Variants in MYO18B observed in about 807,000 individuals in gnomAD.
MYO18B encodes the protein unconventional myosin-XVIIIb.
MYO18B carries 204 observed loss-of-function variants against 273.0 expected under a neutral mutation model. The ratio of observed to expected loss-of-function variants is 0.75; its 90% CI spans 0.67 to 0.84. MYO18B has a LOEUF of 0.84. Among genes scored for constraint, MYO18B ranks in the 40% least tolerant of loss-of-function variants. MYO18B has a pLI of 0.00. For synonymous variants in MYO18B, 1,330 were observed against 1,305.7 expected (o/e 1.02, Z -0.40); for missense variants, 3,212 against 3,287.6 (o/e 0.98, Z 0.56).
chr22:25,967,631 G>A (rs892430962), intron 39 of MYO18B, among the ~76,000 whole-genome samples: 1 of 152,134 alleles, frequency 6.6e-6, no homozygotes, highest in African/African-American at 2.4e-5. Flanking sequence ...TGTATTTAGT[G>A]GGGAAAGATG....
intron 42 of MYO18B, among the ~76,000 whole-genome samples, chr22:26,022,842 C>T (rs1305487644): frequency 6.6e-6 from 1 of 152,200 alleles, no homozygotes. Flanking sequence ...TCCTCAAGGG[C>T]CCCAGGGAAG....
At chr22:25,934,343 C>T (rs902706717) in intron 34 of MYO18B, among the ~76,000 whole-genome samples, 6 of 151,886 alleles carry the variant, frequency 4.0e-5, no homozygotes, top group African/African-American at 1.5e-4. Flanking sequence ...TCTTAGAATC[C>T]AAATTTTAAA....
At position 25,797,972 on chromosome 22, in the gene MYO18B, C is replaced by T. The variant is rs200926549; in HGVS notation, c.2396C>T (p.Ala799Val). 192 of 1,614,018 alleles carry T rather than the reference C, an allele frequency of 1.2e-4. No individual in the cohort carries two copies. The highest frequency in any genetic ancestry group is 1.4e-4 in the Non-Finnish European group (167 of 1,179,900). ...CCGCAGCCTGAAGATAAACAGAAGG[C>T]GGCAGCTGCCTTTGCCCAGCTCCAG... is the stretch of plus-strand genomic sequence containing the variant. ...VWSKPEDKQKAAAAFAQLQGA... is the reference protein window; with the variant it reads ...VWSKPEDKQKVAAAFAQLQGA... The change falls in exon 12 of 44, where the codon GCG becomes GTG. Residue 799 changes from alanine to valine, a missense_variant. Ala to Val is a moderately conservative substitution (Grantham distance 64). Transcript: ENST00000335473.
At chr22:25,841,873 C>T (rs1048894163) in intron 17 of MYO18B, among the ~76,000 whole-genome samples, 6 of 152,216 alleles carry the variant, frequency 3.9e-5, no homozygotes, top group South Asian at 2.1e-4. Context: ...AAATGCAGCA[C>T]GGACATTTGC....
At chr22:25,781,998 G>C (rs1193665561) in intron 10 of MYO18B, among the ~76,000 whole-genome samples, 164 bp downstream of exon 10, 2 of 152,236 alleles carry the variant, frequency 1.3e-5, no homozygotes, top group Non-Finnish European at 2.9e-5. Flanking sequence ...GCAGCTCATG[G>C]GCTGGGTGAC....
At chr22:25,815,296 A>G (rs1055483887) in intron 12 of MYO18B, among the ~76,000 whole-genome samples, 1 of 152,182 alleles carries the variant, frequency 6.6e-6, no homozygotes, top group African/African-American at 2.4e-5. Flanking sequence ...TTGCTAGCTG[A>G]GTGATCTCAG....
chr22:25,852,029 G>A (rs6004799), intron 21 of MYO18B, among the ~76,000 whole-genome samples: 23 of 152,270 alleles, frequency 1.5e-4, no homozygotes, highest in African/African-American at 5.1e-4. Context: ...AGGGACCCTA[G>A]CAAGGTGAAA....
At position 26,014,053 on chromosome 22, in the gene MYO18B, A is replaced by G. The variant is rs112731977; in HGVS notation, c.6470+9198A>G. Among the ~76,000 whole-genome samples, 1,522 of 152,218 alleles carry G rather than the reference A, an allele frequency of 1.0e-2. 19 individuals are homozygous for G. Among genetic ancestry groups the G allele is most frequent in the African/African-American group, 0.034 (1,432 of 41,520 alleles). ...CCTTTATGGTTGGTGCTCTTTATAT[A>G]CTGTTGAAAAATTATTTGCCTACTT... On this transcript the variant is annotated intron_variant, in intron 42 of 43. Coordinates refer to ENST00000335473, the MANE Select transcript of MYO18B (RefSeq NM_032608.7).
At chr22:25,855,056 A>G (rs1045800686) in intron 21 of MYO18B, among the ~76,000 whole-genome samples, 3 of 152,018 alleles carry the variant, frequency 2.0e-5, no homozygotes, top group African/African-American at 7.3e-5. Flanking sequence ...TAAGCCTAGT[A>G]CCCATTAGCC....
chr22:25,847,948 T>TAC (rs59375568), intron 20 of MYO18B, among the ~76,000 whole-genome samples: 4,833 of 146,228 alleles, frequency 0.033, 171 homozygotes, highest in African/African-American at 0.087. Flanking sequence ...CACACACACA[T>TAC]ACACACACAC....
intron 12 of MYO18B, among the ~76,000 whole-genome samples, chr22:25,803,970 A>ACACG (rs1240359741): frequency 7.4e-6 from 1 of 136,008 alleles, no homozygotes; most frequent in Non-Finnish European, 1.5e-5. Flanking sequence ...CCCAGTGAAC[A>ACACG]CACACACACA....
At position 25,895,187 on chromosome 22, in the gene MYO18B, T is replaced by C; in HGVS notation, c.4575T>C (p.Ala1525=). The change falls in exon 28 of 44, where the codon GCT becomes GCC. Residue 1525 remains alanine (A), a synonymous_variant. Transcript: ENST00000335473. ...AGTGGCAGATGCGCTTCGACTGTGCTCAGATGGAGAACGAGTTCCTCAGAA... is the reference window on the plus strand; with the variant it reads ...AGTGGCAGATGCGCTTCGACTGTGCCCAGATGGAGAACGAGTTCCTCAGAA... ...ADEWQMRFDC[A]QMENEFLRKR... is the part of the protein sequence containing the mutation. The C allele has an allele frequency of 6.2e-7, 1 of 1,612,332 alleles. No homozygotes were observed.
At chr22:25,996,393 TCTC>T (rs1933248897) in intron 40 of MYO18B, among the ~76,000 whole-genome samples, 1 of 152,192 alleles carries the variant, frequency 6.6e-6, no homozygotes, top group African/African-American at 2.4e-5. Flanking sequence ...TTATCGTTAT[TCTC>T]CCTCTTACAG....
At position 25,763,518 on chromosome 22, in the gene MYO18B, T is replaced by G. The variant is rs2086403233; in HGVS notation, c.198+129T>G. ...TCCTGGTTTTGAGGAATGTCCTTTATTCAACTTGATCTATTGAGCTCTTAT... is the reference window on the plus strand; with the variant it reads ...TCCTGGTTTTGAGGAATGTCCTTTAGTCAACTTGATCTATTGAGCTCTTAT... On this transcript the variant is annotated intron_variant, in intron 3 of 43. Transcript: ENST00000335473. 3.6e-6 allele frequency: 4 copies of G among 1,117,772 alleles called. No individual in the cohort carries two copies. In the South Asian group the frequency reaches 6.2e-5, roughly 17 times the overall value. The allele number at this position is 1,117,772 out of a possible 1,614,324, so 69.2% of individuals were successfully genotyped here. A position where few individuals can be genotyped will look rare whatever the true frequency, so the allele number is the denominator to read the frequency against.
At chr22:26,036,059 T>C in the MYO18B span, among the ~76,000 whole-genome samples, 1 of 152,160 alleles carries the variant, frequency 6.6e-6, no homozygotes, top group South Asian at 2.1e-4. Flanking sequence ...CCAAAGATTG[T>C]ACATAGGAAG....
intron 30 of MYO18B, chr22:25,903,122 A>G (rs2091971375): frequency 4.6e-6 from 1 of 217,730 alleles, no homozygotes; most frequent in African/African-American, 2.3e-5. Flanking sequence ...GCTGCTCCTC[A>G]TCCTTTTGTG....
Position 25,955,174 on chromosome 22 carries a change from C to T in MYO18B, c.5971-5C>T, listed in dbSNP as rs773052312. ...AAGGTGGGCATGTGTCTCTGCCCCT[C>T]CCAGGTCCTGGTGATCCGGCTTCGG... On this transcript the variant is annotated splice_region_variant and splice_polypyrimidine_tract_variant and intron_variant, in intron 38 of 43. Coordinates refer to ENST00000335473, the MANE Select transcript of MYO18B (RefSeq NM_032608.7). The T allele has an allele frequency of 6.3e-7, 1 of 1,597,350 alleles. No individual in the cohort carries two copies. Among genetic ancestry groups the T allele is most frequent in the East Asian group, 2.2e-5 (1 of 44,462 alleles).
chr22:26,003,729 C>T (rs1211689245), intron 41 of MYO18B, among the ~76,000 whole-genome samples: 2 of 152,172 alleles, frequency 1.3e-5, no homozygotes, highest in African/African-American at 2.4e-5. Flanking sequence ...TCAGTCCCTG[C>T]GTGGCCAAAC....
At chr22:25,759,044 G>A (rs959115515) in intron 1 of MYO18B, among the ~76,000 whole-genome samples, 1 of 152,008 alleles carries the variant, frequency 6.6e-6, no homozygotes, top group African/African-American at 2.4e-5. Flanking sequence ...GTGAGCCACC[G>A]CGCCTGGCTG....
Sources: gnomAD v4.1 joint callset for allele counts (sites outside exome capture counted in the v4.1 genomes callset) on GRCh38, gnomAD v4.1.1 for gene constraint, MANE v1.5 for transcripts, NCBI Gene and HGNC (gene_info 2026-07-23, HGNC 2026-07-21) for gene names.